Variants in B3GAT1 observed in about 807,000 individuals in gnomAD.
B3GAT1 encodes galactosylgalactosylxylosylprotein 3-beta-glucuronosyltransferase 1.
B3GAT1 carries 11 observed loss-of-function variants against 28.4 expected under a neutral mutation model. The ratio of observed to expected loss-of-function variants is 0.39; its 90% CI spans 0.24 to 0.64. The LOEUF (loss-of-function observed/expected upper bound fraction) is 0.64. Among genes scored for constraint, B3GAT1 ranks in the 30% least tolerant of loss-of-function variants. B3GAT1 has a pLI of 0.50. For synonymous variants in B3GAT1, 255 were observed against 223.1 expected (o/e 1.14, Z -1.27); for missense variants, 375 against 491.0 (o/e 0.76, Z 2.23).
intron 1 of B3GAT1, among the ~76,000 whole-genome samples, chr11:134,396,955 C>T (rs766437019): frequency 3.9e-5 from 6 of 152,228 alleles, no homozygotes; most frequent in Non-Finnish European, 8.8e-5. Context: ...GGAGCTGCTA[C>T]ACCTCTTGTT....
intron 1 of B3GAT1, among the ~76,000 whole-genome samples, chr11:134,410,269 C>A (rs1403180286): frequency 6.6e-6 from 1 of 152,252 alleles, no homozygotes; most frequent in Non-Finnish European, 1.5e-5. Flanking sequence ...ATATTCAACA[C>A]AGCGCCTGCA....
chr11:134,383,984 G>A lies in B3GAT1; in HGVS notation c.317C>T (p.Ala106Val), dbSNP rs1343690126. 4 of 1,603,030 alleles carry A rather than the reference G, an allele frequency of 2.5e-6. No individual in the cohort carries two copies. The highest frequency in any genetic ancestry group is 2.5e-6 in the Non-Finnish European group (3 of 1,178,564). ...PVQKAELTRMANTLLHVPNLH... is the reference protein window; with the variant it reads ...PVQKAELTRMVNTLLHVPNLH... ...GTTGGGCACGTGCAGCAGCGTGTTG[G>A]CCATGCGCGTCAGCTCGGCCTTCTG... The change falls in exon 3 of 6, where the codon GCC becomes GTC. Residue 106 changes from alanine (A) to valine (V), a missense_variant. Ala to Val is a moderately conservative substitution (Grantham distance 64). Transcript: ENST00000312527.
intron 2 of B3GAT1, chr11:134,387,106 T>G (rs1360804591): frequency 5.2e-6 from 1 of 192,852 alleles, no homozygotes; most frequent in African/African-American, 2.3e-5. Flanking sequence ...ACTATGCAAT[T>G]CTGGGCCAGC....
rs1466472937 is a variant in B3GAT1, at chr11:134,411,670, G to GCGCACACACACA, written c.-282+136_-282+137insTGTGTGTGTGCG. 4.8e-5 allele frequency: 7 copies of GCGCACACACACA among 144,640 alleles called. No homozygotes were observed. The highest frequency in any genetic ancestry group is 1.8e-4 in the African/African-American group (7 of 39,582). The allele number at this position is 144,640 out of a possible 1,614,324, so 9.0% of individuals were successfully genotyped here. A position where few individuals can be genotyped will look rare whatever the true frequency, so the allele number is the denominator to read the frequency against. On this transcript the variant is annotated intron_variant, in intron 1 of 5. Coordinates refer to ENST00000312527, the MANE Select transcript of B3GAT1 (RefSeq NM_054025.3). The surrounding 1 kb of genome is among the most constrained non-coding windows in gnomAD (Gnocchi z 6.0). The stretch of plus-strand genomic sequence containing the variant: ...TCCAGCTGCCCCCAGCGCGCGCAGC[G>GCGCACACACACA]CACACACACACACACACACACACAC...
rs1305756269 is a variant in B3GAT1, at chr11:134,381,931, C to T, written c.*7G>A. On this transcript the variant is annotated 3_prime_UTR_variant, in exon 5 of 6. Coordinates refer to ENST00000312527, the MANE Select transcript of B3GAT1 (RefSeq NM_054025.3). ...CCCTCGTCATGCCCATACCTGCATC[C>T]TGAGGCTCAGATCTCCACCGAGGGG... 5 of 1,613,750 alleles carry T rather than the reference C, an allele frequency of 3.1e-6. No homozygotes were observed. The East Asian group carries it at 1.1e-4, about 36-fold the overall frequency.
intron 1 of B3GAT1, among the ~76,000 whole-genome samples, chr11:134,410,111 G>T (rs1204119571): frequency 6.6e-6 from 1 of 152,194 alleles, no homozygotes; most frequent in Non-Finnish European, 1.5e-5. Flanking sequence ...GAGGAACTGG[G>T]CTTGCCCCAG....
intron 5 of B3GAT1, 194 bp downstream of exon 5, chr11:134,381,730 G>T: frequency 1.7e-6 from 1 of 575,948 alleles, no homozygotes; most frequent in Non-Finnish European, 3.1e-6. Context: ...CAGCTGCGTG[G>T]GTGAAAGTTA....
intron 1 of B3GAT1, among the ~76,000 whole-genome samples, chr11:134,399,988 T>A (rs1443467669): frequency 6.6e-6 from 1 of 152,148 alleles, no homozygotes; most frequent in African/African-American, 2.4e-5. Context: ...AGGGAGGATG[T>A]GAGCAGCCAA....
intron 1 of B3GAT1, among the ~76,000 whole-genome samples, chr11:134,392,649 G>T (rs1019405309): frequency 6.6e-6 from 1 of 152,228 alleles, no homozygotes; most frequent in Non-Finnish European, 1.5e-5. Context: ...GAGATTACAG[G>T]TATGAGCCAT....
At chr11:134,390,110 C>T (rs948840499) in intron 1 of B3GAT1, 4 of 152,138 alleles carry the variant, frequency 2.6e-5, no homozygotes, top group African/African-American at 7.2e-5. Context: ...ACATTCTAGG[C>T]CGTGTGTGTC....
At chr11:134,394,972 G>A (rs1944476366) in intron 1 of B3GAT1, among the ~76,000 whole-genome samples, 1 of 152,174 alleles carries the variant, frequency 6.6e-6, no homozygotes, top group Admixed American at 6.5e-5. Context: ...CTGGGGTTTG[G>A]CTTAGTATAG....
chr11:134,381,691 C>G, intron 5 of B3GAT1: 7 of 526,922 alleles, frequency 1.3e-5, no homozygotes, highest in Non-Finnish European at 2.4e-5. Context: ...AAGGTGACAC[C>G]CTCTGAAGAG....
intron 5 of B3GAT1, among the ~76,000 whole-genome samples, 189 bp from the exon 6 acceptor site, chr11:134,380,936 G>A (rs1042870833): frequency 6.6e-6 from 1 of 152,148 alleles, no homozygotes; most frequent in Non-Finnish European, 1.5e-5. Context: ...AGTGAGGCTC[G>A]GTACAGATGC....
rs1157084451 is a variant in B3GAT1, at chr11:134,406,994, T to C, written c.-282+4813A>G. 8.6e-5 allele frequency among the ~76,000 whole-genome samples: 13 copies of C among 151,746 alleles called. 1 individual carries two copies. The highest frequency in any genetic ancestry group is 8.5e-4 in the Admixed American group (13 of 15,252). The stretch of plus-strand genomic sequence containing the variant: ...CCGTGCCCAAAACACCTGTGCAGGC[T>C]CAGGTCCACAACACTCTGCCCACTA... On this transcript the variant is annotated intron_variant, in intron 1 of 5. Transcript: ENST00000312527.
At chr11:134,408,755 C>T (rs1372198832) in intron 1 of B3GAT1, among the ~76,000 whole-genome samples, 24 of 101,834 alleles carry the variant, frequency 2.4e-4, no homozygotes, top group African/African-American at 1.0e-3. Flanking sequence ...GGTGGGACAG[C>T]CTGCACCTAT....
At chr11:134,382,141 G>T in intron 4 of B3GAT1, 117 bp from the exon 5 acceptor site, 1 of 782,476 alleles carries the variant, frequency 1.3e-6, no homozygotes, top group African/African-American at 1.7e-5. Flanking sequence ...TCCTTCGAGA[G>T]TTTTTCAATT....
rs1303901402 is a variant in B3GAT1 at position 134,387,726 on chromosome 11, C to T, written c.-67G>A. The T allele has an allele frequency of 1.2e-6, 2 of 1,601,080 alleles. No individual in the cohort carries two copies. The highest frequency in any genetic ancestry group is 8.5e-7 in the Non-Finnish European group (1 of 1,174,318). ...GGCGGTAAGTTCAGGAGAGGGGCGG[C>T]CACGGGCGGCGGCAGCACAGGGGAG... On this transcript the variant is annotated 5_prime_UTR_variant, in exon 2 of 6. An upstream open reading frame in the 5' UTR gains an earlier in-frame stop. Coordinates refer to ENST00000312527, the MANE Select transcript of B3GAT1 (RefSeq NM_054025.3).
At chr11:134,381,783 G>T in intron 5 of B3GAT1, 141 bp downstream of exon 5, 1 of 661,478 alleles carries the variant, frequency 1.5e-6, no homozygotes, top group Middle Eastern at 4.0e-4. Context: ...AGGGGACTGT[G>T]GTGACGACGC....
At chr11:134,384,258 C>G (rs888677996) in intron 2 of B3GAT1, 70 bp from the exon 3 acceptor site, 2 of 1,468,892 alleles carry the variant, frequency 1.4e-6, no homozygotes, top group African/African-American at 2.8e-5. Context: ...GAGCGGGACG[C>G]CACCCACCCT....
Sources: gnomAD v4.1 joint callset for allele counts (sites outside exome capture counted in the v4.1 genomes callset) on GRCh38, gnomAD v4.1.1 for gene constraint, Gnocchi (gnomAD v3.1) non-coding constraint, MANE v1.5 for transcripts, NCBI Gene and HGNC (gene_info 2026-07-23, HGNC 2026-07-21) for gene names.